Variants in ZNF385D observed in about 807,000 individuals in gnomAD.
ZNF385D encodes the protein zinc finger protein 385D, also known as zinc finger protein 659.
Under a neutral mutation model 35.8 loss-of-function variants are expected in ZNF385D, and 15 were observed. That is an observed-to-expected ratio of 0.42 (90% confidence interval 0.28 to 0.64). ZNF385D has a LOEUF of 0.64. Among genes scored for constraint, ZNF385D ranks in the 30% least tolerant of loss-of-function variants. ZNF385D has a pLI of 0.23. For missense variants in ZNF385D, 474 were observed against 494.6 expected (o/e 0.96, Z 0.39); for synonymous variants, 212 against 186.8 (o/e 1.13, Z -1.10).
intron 7 of ZNF385D, 146 bp from the exon 8 acceptor site, chr3:21,421,593 TG>T: frequency 1.6e-6 from 1 of 624,524 alleles, no homozygotes; most frequent in Non-Finnish European, 2.8e-6. Flanking sequence ...ACAAAGAAAA[TG>T]GGAAGTATAG....
chr3:21,698,672 G>A (rs192774786), intron 1 of ZNF385D, among the ~76,000 whole-genome samples: 1 of 152,090 alleles, frequency 6.6e-6, no homozygotes, highest in East Asian at 1.9e-4. Context: ...ATTAAAAAAT[G>A]GGCAAAGGAT....
rs536512920 is a variant in ZNF385D at position 22,350,284 on chromosome 3, A to G, written c.106+22166T>C. The stretch of plus-strand genomic sequence containing the variant: ...GTCTTTTCACTTCAGATTCAATAAT[A>G]TTTTTTAAAAGGAAAAGATGTATGG... On this transcript the variant is annotated intron_variant, in intron 2 of 5. Coordinates refer to the ZNF385D transcript ENST00000494108. 6.6e-5 allele frequency among the ~76,000 whole-genome samples: 10 copies of G among 152,218 alleles called. No homozygotes were observed. The East Asian group carries it at 1.9e-3, about 29-fold the overall frequency.
At chr3:22,069,580 C>T (rs1445164221) in intron 3 of ZNF385D, among the ~76,000 whole-genome samples, 1 of 152,126 alleles carries the variant, frequency 6.6e-6, no homozygotes, top group African/African-American at 2.4e-5. Flanking sequence ...ATAAGTATAT[C>T]TGTGTTTTAG....
chr3:21,867,745 A>T, intron 3 of ZNF385D, among the ~76,000 whole-genome samples: 1 of 4,082 alleles, frequency 2.4e-4, no homozygotes, highest in East Asian at 6.5e-3. Flanking sequence ...GGAAAAGTAA[A>T]AAAAAAAAAA....
At chr3:21,424,893 A>T (rs1167197164) in intron 6 of ZNF385D, among the ~76,000 whole-genome samples, 1 of 152,146 alleles carries the variant, frequency 6.6e-6, no homozygotes, top group East Asian at 1.9e-4. Context: ...GTACATATAT[A>T]CAAAACAAAA....
At chr3:21,602,323 T>C (rs111269210) in intron 2 of ZNF385D, among the ~76,000 whole-genome samples, 10 of 152,096 alleles carry the variant, frequency 6.6e-5, no homozygotes, top group Middle Eastern at 6.8e-3. Flanking sequence ...ATCTTTTCCA[T>C]TGTTCTACCC....
chr3:22,255,790 G>GT (rs5847170), intron 2 of ZNF385D, among the ~76,000 whole-genome samples: 50,119 of 145,450 alleles, frequency 0.34, 8,401 homozygotes, highest in Non-Finnish European at 0.36. Flanking sequence ...CCTTAACTCA[G>GT]TTTTTTTTTT....
intron 2 of ZNF385D, among the ~76,000 whole-genome samples, chr3:21,625,018 C>T (rs962063226): frequency 1.3e-5 from 2 of 152,008 alleles, no homozygotes; most frequent in African/African-American, 4.8e-5. Context: ...TCATAATATA[C>T]CTCCTAACCA....
chr3:21,992,572 C>T (rs1695213394), intron 3 of ZNF385D, among the ~76,000 whole-genome samples: 1 of 152,078 alleles, frequency 6.6e-6, no homozygotes, highest in Admixed American at 6.6e-5. Flanking sequence ...TAGTTTAAAT[C>T]ACTTTCTCAG....
chr3:21,849,575 A>T (rs191143926), intron 3 of ZNF385D: 2 of 142,298 alleles, frequency 1.4e-5, no homozygotes, highest in Admixed American at 7.1e-5. Flanking sequence ...GAATTTGGTT[A>T]TATTTCCAAA....
At chr3:21,511,922 G>T (rs1457356425) in intron 3 of ZNF385D, among the ~76,000 whole-genome samples, 1 of 151,672 alleles carries the variant, frequency 6.6e-6, no homozygotes, top group Non-Finnish European at 1.5e-5. Flanking sequence ...GCTGAGGTGG[G>T]TGGATCACGA....
At chr3:21,813,199 C>G (rs2073007854) in intron 3 of ZNF385D, among the ~76,000 whole-genome samples, 1 of 152,044 alleles carries the variant, frequency 6.6e-6, no homozygotes, top group Admixed American at 6.5e-5. Flanking sequence ...CTGTAGGTCA[C>G]CATCATCAGA....
chr3:21,546,990 A>G (rs2062396671), intron 3 of ZNF385D, among the ~76,000 whole-genome samples: 1 of 152,044 alleles, frequency 6.6e-6, no homozygotes, highest in South Asian at 2.1e-4. Flanking sequence ...AAGAGAAGGG[A>G]ACCAGGGACA....
intron 3 of ZNF385D, among the ~76,000 whole-genome samples, chr3:22,156,138 C>A (rs772705938): frequency 4.6e-5 from 7 of 151,914 alleles, no homozygotes; most frequent in Non-Finnish European, 8.8e-5. Flanking sequence ...AATAATTGTG[C>A]AATGAGTACT....
chr3:21,692,547 C>G (rs1177593041), intron 1 of ZNF385D, among the ~76,000 whole-genome samples: 5 of 152,202 alleles, frequency 3.3e-5, no homozygotes. Flanking sequence ...CTCAACCCTC[C>G]TCTTCCTACT....
At chr3:22,000,688 G>A (rs1695785410) in intron 3 of ZNF385D, among the ~76,000 whole-genome samples, 1 of 151,646 alleles carries the variant, frequency 6.6e-6, no homozygotes, top group Non-Finnish European at 1.5e-5. Context: ...ACCTCCAACA[G>A]ACTAATAGCA....
intron 2 of ZNF385D, among the ~76,000 whole-genome samples, chr3:21,576,781 T>C (rs1394400984): frequency 2.0e-5 from 3 of 152,134 alleles, no homozygotes; most frequent in Non-Finnish European, 4.4e-5. Context: ...AAAACAAGAC[T>C]GAGAAAAAAG....
At chr3:22,256,803 T>C (rs756909442) in intron 2 of ZNF385D, among the ~76,000 whole-genome samples, 1 of 151,900 alleles carries the variant, frequency 6.6e-6, no homozygotes, top group Non-Finnish European at 1.5e-5. Context: ...TTCTTCAATG[T>C]GTTGTAATGA....
intron 3 of ZNF385D, among the ~76,000 whole-genome samples, chr3:21,855,658 T>C (rs1056426646): frequency 6.6e-6 from 1 of 152,026 alleles, no homozygotes; most frequent in Non-Finnish European, 1.5e-5. Flanking sequence ...GTTTGCAGAA[T>C]CTCCATTTAG....
Sources: allele counts gnomAD v4.1 joint callset (sites outside exome capture counted in the v4.1 genomes callset), GRCh38; gene constraint gnomAD v4.1.1; transcripts MANE v1.5; gene names NCBI Gene and HGNC (gene_info 2026-07-23, HGNC 2026-07-21).